Variants in GPSM1 observed in about 807,000 individuals in gnomAD.
The protein encoded by GPSM1 is G protein signaling modulator 1.
GPSM1 carries 48 observed loss-of-function variants against 70.5 expected under a neutral mutation model. The ratio of observed to expected loss-of-function variants is 0.68; its 90% confidence interval spans 0.54 to 0.87. GPSM1 has a LOEUF of 0.87. Among genes scored for constraint, GPSM1 ranks in the 40% least tolerant of loss-of-function variants. The pLI is 0.00. For synonymous variants in GPSM1, 416 were observed against 430.1 expected, an observed-to-expected ratio of 0.97 and a Z score of 0.41; for missense variants, 981 against 972.6, an observed-to-expected ratio of 1.01 and a Z score of -0.11.
chr9:136,338,663 C>T lies in GPSM1; in HGVS notation c.927C>T (p.Ala309=), dbSNP rs781908940. 3.1e-5 allele frequency: 49 copies of T among 1,582,012 alleles called. No individual in the cohort carries two copies. The Middle Eastern group carries it at 1.0e-3, about 33-fold the overall frequency. ...TGCTGCAGGACTACGAGCGCGCGGC[C>T]GAGTACCACCTGCGGCACCTGCTCA... ...YTLLQDYERA[A]EYHLRHLLIA... The change falls in exon 7 of 14, where the codon GCC becomes GCT. Residue 309 remains alanine, a synonymous_variant. Coordinates refer to ENST00000440944, the MANE Select transcript of GPSM1 (RefSeq NM_001145638.3).
intron 11 of GPSM1, among the ~76,000 whole-genome samples, chr9:136,352,590 G>A (rs1339874044): frequency 2.6e-5 from 4 of 152,254 alleles, no homozygotes; most frequent in South Asian, 2.1e-4. Context: ...GGAGGCCCTT[G>A]AGCCAGGGCA....
chr9:136,354,621 C>T (rs1832762726), intron 11 of GPSM1, among the ~76,000 whole-genome samples: 1 of 152,220 alleles, frequency 6.6e-6, no homozygotes, highest in Admixed American at 6.5e-5. Flanking sequence ...TCACAAACAC[C>T]CTTCAGCCCT....
intron 6 of GPSM1, 28 bp downstream of exon 6, chr9:136,337,989 A>G (rs570616991): frequency 6.9e-7 from 1 of 1,454,124 alleles, no homozygotes; most frequent in African/African-American, 1.4e-5. Flanking sequence ...TCTCCCAGGG[A>G]GACAGCAGGC....
chr9:136,351,182 A>G (rs1187745329), intron 11 of GPSM1, among the ~76,000 whole-genome samples: 1 of 152,200 alleles, frequency 6.6e-6, no homozygotes, highest in African/African-American at 2.4e-5. Context: ...TCCCACCAGC[A>G]GGGCACAGCC....
At position 136,355,840 on chromosome 9, in the gene GPSM1, A is replaced by G; in HGVS notation, c.1606A>G (p.Arg536Gly). 2 of 1,606,892 alleles carry G rather than the reference A, an allele frequency of 1.2e-6. No homozygotes were observed. The highest frequency in any genetic ancestry group is 1.1e-5 in the South Asian group (1 of 90,820). ...EATAAPTLED[R>G]IAQPSMTASP... ...CACGGCCGCCCCCACCCTGGAGGAC[A>G]GGATCGGTGAGTGCCCCCCTCAGCC... The change falls in exon 12 of 14, where the codon AGG (arginine) becomes GGG (glycine). Residue 536 changes from arginine (R) to glycine (G), a missense_variant. Transcript: ENST00000440944.
Position 136,358,038 on chromosome 9 carries a change from T to G in GPSM1, c.1846T>G (p.Cys616Gly). ...YQSSRIDDQRCPPPDVLPRGP... is the reference protein window; with the variant it reads ...YQSSRIDDQRGPPPDVLPRGP... ...GTCCTCCAGGATCGATGACCAGCGC[T>G]GCCCGCCACCTGACGTACTGCCCCG... The change falls in exon 14 of 14, where the codon TGC becomes GGC. Residue 616 changes from cysteine to glycine, a missense_variant. Transcript: ENST00000440944. 3 of 1,612,610 alleles carry G rather than the reference T, an allele frequency of 1.9e-6. No homozygotes were observed. Among genetic ancestry groups the G allele is most frequent in the Non-Finnish European group, 2.5e-6 (3 of 1,179,762 alleles).
Position 136,334,574 on chromosome 9 carries a change from A to G in GPSM1, c.196A>G (p.Ser66Gly). ...GGGCACCGAGGACCTGAAGACACTG[A>G]GTGCCATCTACAGCCAGCTGGGCAA... is the stretch of plus-strand genomic sequence containing the variant. ...QVGTEDLKTL[S>G]AIYSQLGNAY... The change falls in exon 2 of 14, where the codon AGT (serine) becomes GGT (glycine). Residue 66 changes from serine (S) to glycine (G), a missense_variant. By Grantham distance (56) the Ser-to-Gly change is moderately conservative. Coordinates refer to ENST00000440944, the MANE Select transcript of GPSM1 (RefSeq NM_001145638.3). The G allele has an allele frequency of 3.7e-6, 6 of 1,613,340 alleles. No homozygotes were observed. Among genetic ancestry groups the G allele is most frequent in the Non-Finnish European group, 5.1e-6 (6 of 1,179,932 alleles).
intron 1 of GPSM1, among the ~76,000 whole-genome samples, 183 bp from the exon 2 acceptor site, chr9:136,334,264 G>T (rs766159721): frequency 5.4e-4 from 82 of 152,210 alleles, no homozygotes; most frequent in Non-Finnish European, 9.4e-4. Flanking sequence ...TGGCTGGGGC[G>T]CCCTTGGGCC....
At chr9:136,352,084 A>ACGGCGCCG (rs1832679357) in intron 11 of GPSM1, among the ~76,000 whole-genome samples, 2 of 142,580 alleles carry the variant, frequency 1.4e-5, no homozygotes, top group Admixed American at 6.8e-5. Context: ...TGACACCAAT[A>ACGGCGCCG]CTGCGCCGTT....
At chr9:136,339,011 G>A (rs1179671896) in intron 7 of GPSM1, among the ~76,000 whole-genome samples, 1 of 152,230 alleles carries the variant, frequency 6.6e-6, no homozygotes, top group Non-Finnish European at 1.5e-5. Flanking sequence ...GCAAACCACA[G>A]GCCCCTAAGT....
chr9:136,337,011 G>C lies in GPSM1; in HGVS notation c.517G>C (p.Asp173His). Reference sequence around the variant, plus strand: ...CTGGAACGCCGCAAACGCCACGCAGGACCCCGGGCACCTGCCGCCCGATGT... The same window carrying C: ...CTGGAACGCCGCAAACGCCACGCAGCACCCCGGGCACCTGCCGCCCGATGT... ...LSWNAANATQ[D>H]PGHLPPDVRE... The change falls in exon 4 of 14, where the codon GAC (aspartate) becomes CAC (histidine). Residue 173 changes from aspartate to histidine, a missense_variant. By Grantham distance (81) the Asp-to-His change is moderately conservative (BLOSUM62 -1). Coordinates refer to ENST00000440944, the MANE Select transcript of GPSM1 (RefSeq NM_001145638.3). 1.3e-6 allele frequency: 2 copies of C among 1,552,558 alleles called. No individual in the cohort carries two copies. Among genetic ancestry groups the C allele is most frequent in the South Asian group, 1.2e-5 (1 of 84,156 alleles).
chr9:136,357,648 G>A (rs1197131588), intron 13 of GPSM1, among the ~76,000 whole-genome samples: 11 of 152,194 alleles, frequency 7.2e-5, no homozygotes, highest in Non-Finnish European at 1.5e-4. Context: ...TGGGCAGAGG[G>A]ACGGCCACGC....
intron 1 of GPSM1, among the ~76,000 whole-genome samples, chr9:136,331,501 C>T (rs1047522277): frequency 3.9e-5 from 6 of 152,124 alleles, no homozygotes; most frequent in South Asian, 2.1e-4. Context: ...GCCACCACTG[C>T]GCAGAATTCC....
At chr9:136,346,115 G>A (rs1351758370) in intron 9 of GPSM1, among the ~76,000 whole-genome samples, 4 of 152,210 alleles carry the variant, frequency 2.6e-5, no homozygotes, top group African/African-American at 7.2e-5. Flanking sequence ...GGCCCCTGAT[G>A]GGCCCCACGT....
intron 1 of GPSM1, among the ~76,000 whole-genome samples, chr9:136,328,903 G>A (rs926606730): frequency 5.3e-5 from 8 of 152,330 alleles, no homozygotes; most frequent in Non-Finnish European, 1.0e-4. Context: ...GTGCAGGGCC[G>A]CATGTGCTCC....
In GPSM1 at chr9:136,356,640, C is replaced by T. The variant is rs1000832482; in HGVS notation, c.1821+90C>T. 25 of 939,914 alleles carry T rather than the reference C, an allele frequency of 2.7e-5. No individual in the cohort carries two copies. The East Asian group carries it at 3.8e-4, about 14-fold the overall frequency. 58.2% of individuals were successfully genotyped at this position (939,914 alleles called of 1,614,324 possible). On this transcript the variant is annotated intron_variant, in intron 13 of 13. Transcript: ENST00000440944. Reference sequence around the variant, plus strand: ...CTTGTGTCCTGAGGGGTGAGGTGGGCGCTGGTTCTGCCATCTCCGGTCATG... The same window carrying T: ...CTTGTGTCCTGAGGGGTGAGGTGGGTGCTGGTTCTGCCATCTCCGGTCATG...
rs1554769575 is a variant in GPSM1 at position 136,337,940 on chromosome 9, A to G, written c.797A>G (p.Asp266Gly). ...GCCCACGTCTTCCTGGGGCGCTTTG[A>G]CGTGGCCGCCGAGTACTACAAGTAG... ...GNAHVFLGRF[D>G]VAAEYYKKTL... Residue 266 changes from aspartate to glycine, a missense_variant, in exon 6 of 14, where the codon GAC (aspartate) becomes GGC (glycine). Physicochemically the swap from Asp to Gly is moderately conservative, Grantham distance 94. Transcript: ENST00000440944. The G allele has an allele frequency of 6.2e-7, 1 of 1,610,990 alleles. No homozygotes were observed. Among genetic ancestry groups the G allele is most frequent in the South Asian group, 1.1e-5 (1 of 90,992 alleles).
rs1554769153 is a variant in GPSM1, at chr9:136,335,985, G to A, written c.310G>A (p.Gly104Arg). The A allele has an allele frequency of 6.2e-7, 1 of 1,612,498 alleles. No individual in the cohort carries two copies. Among genetic ancestry groups the A allele is most frequent in the East Asian group, 2.2e-5 (1 of 44,874 alleles). Residue 104 changes from glycine (G) to arginine (R), a missense_variant, in exon 3 of 14, where the codon GGG (glycine) becomes AGG (arginine). Gly to Arg is a moderately radical substitution (Grantham distance 125, BLOSUM62 -2). Coordinates refer to ENST00000440944, the MANE Select transcript of GPSM1 (RefSeq NM_001145638.3). Reference protein sequence around the residue: ...LLARTIGDRMGEAKASGNLGN... With the variant: ...LLARTIGDRMREAKASGNLGN... ...ATCCAGGACCATCGGTGACCGCATG[G>A]GGGAGGCCAAGGCCAGTGGAAACCT...
rs1157560352 is a variant in GPSM1 at position 136,358,981 on chromosome 9, C to T, written c.*761C>T. The T allele has an allele frequency of 6.6e-6, 1 of 152,434 alleles. No individual in the cohort carries two copies. The highest frequency in any genetic ancestry group is 1.5e-5 in the Non-Finnish European group (1 of 68,144). 9.4% of individuals were successfully genotyped at this position (152,434 alleles called of 1,614,324 possible). A position where few individuals can be genotyped will look rare whatever the true frequency, so the allele number is the denominator to read the frequency against. ...TGCTTACTGGCAGCAAGAGCAGTGC[C>T]CAGTCAGGGTGGGAGGTAGCACCAG... On this transcript the variant is annotated 3_prime_UTR_variant, in exon 14 of 14. Transcript: ENST00000440944.
Sources: gnomAD v4.1 joint callset for allele counts (sites outside exome capture counted in the v4.1 genomes callset) on GRCh38, gnomAD v4.1.1 for gene constraint, MANE v1.5 for transcripts, NCBI Gene and HGNC (gene_info 2026-07-23, HGNC 2026-07-21) for gene names.